Variants in GPATCH2 observed in about 807,000 individuals in gnomAD.
GPATCH2 encodes G-patch domain containing 2.
Under a neutral mutation model 58.0 loss-of-function variants are expected in GPATCH2, and 51 were observed. The ratio of observed to expected loss-of-function variants is 0.88; its 90% CI spans 0.70 to 1.11. The LOEUF (loss-of-function observed/expected upper bound fraction) is 1.11, where lower values mean the gene tolerates loss of function less well. Among genes scored for constraint, GPATCH2 ranks in the 50% most tolerant of loss-of-function variants. GPATCH2 has a pLI of 0.00. For missense variants in GPATCH2, 625 were observed against 652.2 expected (o/e 0.96, Z 0.45); for synonymous variants, 222 against 218.5 (o/e 1.02, Z -0.14).
intron 1 of GPATCH2, among the ~76,000 whole-genome samples, chr1:217,630,611 T>G (rs1571688099): frequency 1.3e-5 from 2 of 152,206 alleles, no homozygotes; most frequent in East Asian, 3.9e-4. Context: ...AAATTCTTCC[T>G]GTCCCTAGTG....
At chr1:217,478,618 G>A (rs181133499) in intron 8 of GPATCH2, among the ~76,000 whole-genome samples, 1 of 151,970 alleles carries the variant, frequency 6.6e-6, no homozygotes, top group African/African-American at 2.4e-5. Context: ...AAACAATGAA[G>A]CACACCTACA....
At chr1:217,561,619 G>A (rs1040569375) in intron 5 of GPATCH2, among the ~76,000 whole-genome samples, 2 of 152,034 alleles carry the variant, frequency 1.3e-5, no homozygotes, top group African/African-American at 2.4e-5. Flanking sequence ...TTCACACATC[G>A]GTATTTCCTC....
At chr1:217,605,122 G>A (rs1385984518) in intron 5 of GPATCH2, among the ~76,000 whole-genome samples, 1 of 152,172 alleles carries the variant, frequency 6.6e-6, no homozygotes, top group Admixed American at 6.5e-5. Flanking sequence ...CAAAAGTTGA[G>A]CAAGACATAC....
intron 5 of GPATCH2, among the ~76,000 whole-genome samples, chr1:217,560,280 C>T (rs1665858022): frequency 6.6e-6 from 1 of 152,188 alleles, no homozygotes; most frequent in Non-Finnish European, 1.5e-5. Flanking sequence ...TGTCCTTCCT[C>T]GCTATACCCA....
At chr1:217,585,565 A>T (rs1220197285) in intron 5 of GPATCH2, among the ~76,000 whole-genome samples, 1 of 152,174 alleles carries the variant, frequency 6.6e-6, no homozygotes, top group Non-Finnish European at 1.5e-5. Flanking sequence ...GGTTGTAGTT[A>T]GCCGAGATCA....
chr1:217,500,278 C>T (rs1662233123), intron 6 of GPATCH2, among the ~76,000 whole-genome samples: 1 of 151,926 alleles, frequency 6.6e-6, no homozygotes, highest in Admixed American at 6.6e-5. Context: ...TATGCCCATC[C>T]CTTACTCCTC....
chr1:217,586,357 T>C lies in GPATCH2; in HGVS notation c.1098+23964A>G, dbSNP rs191792099. 8.1e-3 allele frequency among the ~76,000 whole-genome samples: 1,197 copies of C among 147,722 alleles called. 50 individuals carry two copies. Among genetic ancestry groups the C allele is most frequent in the Admixed American group, 0.075 (1,125 of 14,954 alleles). ...TTCTTGTTCTATAAGCTTTCTTCTA[T>C]TTTATACCTTTTTTTTTTAACTTTT... On this transcript the variant is annotated intron_variant, in intron 5 of 9. Transcript: ENST00000366935.
intron 7 of GPATCH2, among the ~76,000 whole-genome samples, chr1:217,497,990 C>T (rs1004797583): frequency 6.6e-6 from 1 of 152,190 alleles, no homozygotes; most frequent in Admixed American, 6.5e-5. Context: ...CAAATATTCT[C>T]TTCCTGGCTG....
chr1:217,469,537 T>A (rs1011456462), intron 8 of GPATCH2, among the ~76,000 whole-genome samples: 1 of 152,268 alleles, frequency 6.6e-6, no homozygotes, highest in South Asian at 2.1e-4. Context: ...TTTAAAAACA[T>A]AGTTATAACT....
chr1:217,533,184 C>G (rs1415154757), intron 5 of GPATCH2, among the ~76,000 whole-genome samples: 2 of 151,982 alleles, frequency 1.3e-5, no homozygotes, highest in African/African-American at 4.8e-5. Flanking sequence ...GCTGGAATTA[C>G]AGGCATAAAC....
intron 5 of GPATCH2, among the ~76,000 whole-genome samples, chr1:217,561,354 T>C (rs1665915157): frequency 6.6e-6 from 1 of 152,156 alleles, no homozygotes; most frequent in Admixed American, 6.5e-5. Flanking sequence ...AAAAGGTTTA[T>C]CTAAAAACAT....
At chr1:217,448,775 C>CT (rs1448853790) in intron 9 of GPATCH2, among the ~76,000 whole-genome samples, 1 of 152,180 alleles carries the variant, frequency 6.6e-6, no homozygotes, top group Non-Finnish European at 1.5e-5. Context: ...AATGAGGAAT[C>CT]TAAGACTGCT....
intron 5 of GPATCH2, among the ~76,000 whole-genome samples, chr1:217,546,398 G>A (rs1665052257): frequency 6.6e-6 from 1 of 152,066 alleles, no homozygotes; most frequent in Non-Finnish European, 1.5e-5. Flanking sequence ...GCATGGTACT[G>A]GTACAAAAAC....
At chr1:217,520,938 G>C (rs1663420445) in intron 5 of GPATCH2, among the ~76,000 whole-genome samples, 1 of 152,102 alleles carries the variant, frequency 6.6e-6, no homozygotes, top group Admixed American at 6.5e-5. Context: ...TCAAACTCCT[G>C]GGCTCAAGCA....
At chr1:217,568,646 C>T (rs996481043) in intron 5 of GPATCH2, among the ~76,000 whole-genome samples, 28 of 152,280 alleles carry the variant, frequency 1.8e-4, no homozygotes, top group South Asian at 4.1e-4. Context: ...GGCAAGACTG[C>T]AAGGCCAGTG....
chr1:217,515,564 C>G (rs1403116915), intron 5 of GPATCH2, among the ~76,000 whole-genome samples: 1 of 151,852 alleles, frequency 6.6e-6, no homozygotes, highest in Non-Finnish European at 1.5e-5. Context: ...AAAAATTAGC[C>G]GGGCATGGTG....
At chr1:217,574,629 A>G (rs559776870) in intron 5 of GPATCH2, among the ~76,000 whole-genome samples, 1 of 152,340 alleles carries the variant, frequency 6.6e-6, no homozygotes, top group Non-Finnish European at 1.5e-5. Flanking sequence ...TGGAACTGTC[A>G]TGTTGCTAAG....
intron 8 of GPATCH2, among the ~76,000 whole-genome samples, chr1:217,472,633 G>T (rs1660780489): frequency 6.6e-6 from 1 of 152,138 alleles, no homozygotes; most frequent in Admixed American, 6.5e-5. Flanking sequence ...AAGCTATATT[G>T]AACTTTCTGG....
In GPATCH2 at chr1:217,573,173, A is replaced by G. The variant is rs570050097; in HGVS notation, c.1098+37148T>C. On this transcript the variant is annotated intron_variant, in intron 5 of 9. Coordinates refer to ENST00000366935, the MANE Select transcript of GPATCH2 (RefSeq NM_018040.5). ...CTGTTATCATTCTCATCATATTGAAAGCTTATCCAACAGATGCCCTCTCCG... is the reference window on the plus strand; with the variant it reads ...CTGTTATCATTCTCATCATATTGAAGGCTTATCCAACAGATGCCCTCTCCG... 6.6e-5 allele frequency among the ~76,000 whole-genome samples: 10 copies of G among 152,328 alleles called. No homozygotes were observed. The East Asian group carries it at 1.3e-3, about 21-fold the overall frequency.
Sources: gnomAD v4.1 joint callset for allele counts (sites outside exome capture counted in the v4.1 genomes callset) on GRCh38, gnomAD v4.1.1 for gene constraint, MANE v1.5 for transcripts, NCBI Gene and HGNC (gene_info 2026-07-23, HGNC 2026-07-21) for gene names.